Variants in ADARB2 observed in about 807,000 individuals in gnomAD.
The protein encoded by ADARB2 is adenosine deaminase RNA specific B2 (inactive).
A neutral mutation model predicts 62.2 loss-of-function variants in ADARB2; 25 were observed. That is an observed-to-expected ratio of 0.40 (90% CI 0.29 to 0.56). ADARB2 has a LOEUF of 0.56. ADARB2 is among the 20% of genes least tolerant of loss of function. The pLI, the probability that ADARB2 is intolerant of heterozygous loss-of-function variation, is 0.43. For synonymous variants in ADARB2, 572 were observed against 500.8 expected (o/e 1.14, Z -1.90); for missense variants, 1,071 against 1,077.4 (o/e 0.99, Z 0.08).
chr10:1,278,150 T>G (rs1416254848), intron 3 of ADARB2, among the ~76,000 whole-genome samples: 1 of 152,126 alleles, frequency 6.6e-6, no homozygotes, highest in Non-Finnish European at 1.5e-5. Flanking sequence ...TAGTTTATTT[T>G]GTACTTTTTA....
At chr10:1,200,310 G>C (rs1836968922) in intron 7 of ADARB2, 163 bp from the exon 8 acceptor site, 1 of 846,160 alleles carries the variant, frequency 1.2e-6, no homozygotes. Context: ...AGCCATCACT[G>C]GGGCTCTGGG....
At chr10:1,190,149 A>T (rs1836822084) in intron 8 of ADARB2, among the ~76,000 whole-genome samples, 1 of 151,492 alleles carries the variant, frequency 6.6e-6, no homozygotes. Flanking sequence ...GTCTGAACTC[A>T]GAAAACATGA....
intron 1 of ADARB2, among the ~76,000 whole-genome samples, chr10:1,616,893 C>A (rs1450257468): frequency 1.3e-5 from 2 of 149,786 alleles, no homozygotes; most frequent in African/African-American, 4.9e-5. Flanking sequence ...CAGACGGTTG[C>A]ATTCTGTTGC....
chr10:1,666,357 G>A (rs1214926988), intron 1 of ADARB2, among the ~76,000 whole-genome samples: 1 of 152,228 alleles, frequency 6.6e-6, no homozygotes, highest in Non-Finnish European at 1.5e-5. Flanking sequence ...GCTCATCTGC[G>A]AGTCGGAGCC....
intron 1 of ADARB2, among the ~76,000 whole-genome samples, chr10:1,698,614 A>C (rs1184507224): frequency 6.6e-6 from 1 of 152,176 alleles, no homozygotes; most frequent in Non-Finnish European, 1.5e-5. Flanking sequence ...TGATGGAAAA[A>C]GCAACTTCTA....
At chr10:1,651,620 C>T (rs1262596966) in intron 1 of ADARB2, among the ~76,000 whole-genome samples, 2 of 152,280 alleles carry the variant, frequency 1.3e-5, no homozygotes, top group Admixed American at 6.5e-5. Flanking sequence ...AAATTTCAGG[C>T]CCGTGCTGTT....
chr10:1,550,527 C>T (rs1430222757), intron 1 of ADARB2, among the ~76,000 whole-genome samples: 1 of 152,198 alleles, frequency 6.6e-6, no homozygotes, highest in African/African-American at 2.4e-5. Flanking sequence ...TTGATGAAAG[C>T]CGATGGCCCA....
intron 1 of ADARB2, among the ~76,000 whole-genome samples, chr10:1,488,859 G>C (rs1270434077): frequency 6.6e-6 from 1 of 152,224 alleles, no homozygotes; most frequent in Non-Finnish European, 1.5e-5. Flanking sequence ...GTTTTAGAAG[G>C]AGATGGTTTC....
At chr10:1,366,038 T>C (rs867283344) in intron 2 of ADARB2, among the ~76,000 whole-genome samples, 15 of 152,168 alleles carry the variant, frequency 9.9e-5, no homozygotes, top group Non-Finnish European at 1.9e-4. Flanking sequence ...GATATTATTA[T>C]AAGAACACCG....
intron 1 of ADARB2, among the ~76,000 whole-genome samples, chr10:1,418,708 T>C (rs2805537): frequency 0.27 from 41,560 of 152,048 alleles, 7,435 homozygotes; most frequent in East Asian, 0.62. Flanking sequence ...TCCTCCTCAG[T>C]GCCCTAGCTA....
At chr10:1,313,685 G>A (rs1831712278) in intron 3 of ADARB2, among the ~76,000 whole-genome samples, 1 of 152,174 alleles carries the variant, frequency 6.6e-6, no homozygotes, top group Non-Finnish European at 1.5e-5. Context: ...GAGGGTGGGA[G>A]AACGACAGTG....
At chr10:1,276,983 GA>G (rs1326085612) in intron 3 of ADARB2, among the ~76,000 whole-genome samples, 1 of 152,212 alleles carries the variant, frequency 6.6e-6, no homozygotes, top group Non-Finnish European at 1.5e-5. Context: ...CATGGAAACT[GA>G]ACAACCTGCT....
intron 1 of ADARB2, among the ~76,000 whole-genome samples, chr10:1,702,386 G>C (rs561851498): frequency 6.6e-6 from 1 of 152,134 alleles, no homozygotes. Context: ...TGAATACAAA[G>C]GCTGAGGAGG....
intron 1 of ADARB2, among the ~76,000 whole-genome samples, chr10:1,476,899 G>A (rs1300570686): frequency 6.6e-6 from 1 of 152,110 alleles, no homozygotes; most frequent in African/African-American, 2.4e-5. Context: ...GAGGGTGGCC[G>A]CATGATATTC....
chr10:1,439,731 C>A (rs1386084114), intron 1 of ADARB2, among the ~76,000 whole-genome samples: 1 of 132,066 alleles, frequency 7.6e-6, no homozygotes, highest in Non-Finnish European at 1.6e-5. Flanking sequence ...GTCTCCTCAG[C>A]AGATGGAGGC....
At chr10:1,647,473 G>C (rs1032476854) in intron 1 of ADARB2, among the ~76,000 whole-genome samples, 1 of 152,128 alleles carries the variant, frequency 6.6e-6, no homozygotes, top group South Asian at 2.1e-4. Context: ...GTATATGTAC[G>C]TGTGTATACT....
intron 1 of ADARB2, among the ~76,000 whole-genome samples, chr10:1,656,726 T>A (rs1367767594): frequency 3.3e-5 from 5 of 152,202 alleles, no homozygotes; most frequent in Admixed American, 2.0e-4. Flanking sequence ...AGAACTGACT[T>A]CTTTAGGCCA....
intron 3 of ADARB2, among the ~76,000 whole-genome samples, chr10:1,358,591 G>A (rs891431901): frequency 5.3e-5 from 8 of 151,976 alleles, no homozygotes; most frequent in African/African-American, 1.7e-4. Flanking sequence ...ACTTCTCACT[G>A]GCAGGGAATA....
At chr10:1,678,182 G>A in intron 1 of ADARB2, 1 of 985,458 alleles carries the variant, frequency 1.0e-6, no homozygotes, top group Non-Finnish European at 1.2e-6. Flanking sequence ...AAATGCCCAG[G>A]GCAATGCCAC....
Sources: gnomAD v4.1 joint callset for allele counts (sites outside exome capture counted in the v4.1 genomes callset) on GRCh38, gnomAD v4.1.1 for gene constraint, MANE v1.5 for transcripts, NCBI Gene and HGNC (gene_info 2026-07-23, HGNC 2026-07-21) for gene names.